The following CHRM3 variants were observed in gnomAD, a reference collection of about 807,000 sequenced individuals.
CHRM3 encodes cholinergic receptor muscarinic 3.
A neutral mutation model predicts 41.8 loss-of-function variants in CHRM3; 11 were observed. The ratio of observed to expected loss-of-function variants is 0.26; its 90% CI spans 0.17 to 0.44. The LOEUF (loss-of-function observed/expected upper bound fraction) is 0.44, where lower values mean the gene tolerates loss of function less well. Among genes scored for constraint, CHRM3 ranks in the 20% least tolerant of loss-of-function variants. CHRM3 has a pLI of 1.00. For synonymous variants in CHRM3, 297 were observed against 301.4 expected (o/e 0.99, Z 0.15); for missense variants, 571 against 745.4 (o/e 0.77, Z 2.72).
intron 2 of CHRM3, among the ~76,000 whole-genome samples, chr1:239,505,799 T>C (rs1212180741): frequency 1.3e-5 from 2 of 152,216 alleles, no homozygotes; most frequent in Non-Finnish European, 2.9e-5. Flanking sequence ...TGGAACTTCC[T>C]AGAGACTTGT....
chr1:239,841,643 C>T (rs1033626668), intron 6 of CHRM3, among the ~76,000 whole-genome samples: 1 of 152,206 alleles, frequency 6.6e-6, no homozygotes, highest in Non-Finnish European at 1.5e-5. Flanking sequence ...CAAGATTTAG[C>T]TGGCCAAGGC....
At chr1:239,431,101 C>T (rs942460395) in intron 1 of CHRM3, among the ~76,000 whole-genome samples, 1 of 152,088 alleles carries the variant, frequency 6.6e-6, no homozygotes, top group Non-Finnish European at 1.5e-5. Flanking sequence ...CAAAATCCTT[C>T]ATATTGAGAA....
chr1:239,599,839 G>T (rs1161362948), intron 3 of CHRM3, among the ~76,000 whole-genome samples: 1 of 152,038 alleles, frequency 6.6e-6, no homozygotes, highest in Non-Finnish European at 1.5e-5. Flanking sequence ...AAACAGAATG[G>T]TTGTATGGGT....
chr1:239,547,311 T>C (rs533762446), intron 3 of CHRM3, among the ~76,000 whole-genome samples: 1 of 152,314 alleles, frequency 6.6e-6, no homozygotes, highest in Admixed American at 6.5e-5. Context: ...CTCTGTGCTT[T>C]AGTTTGCACA....
intron 5 of CHRM3, among the ~76,000 whole-genome samples, chr1:239,804,985 GTTC>G (rs773643468): frequency 6.6e-5 from 10 of 152,062 alleles, no homozygotes; most frequent in Admixed American, 2.0e-4. Flanking sequence ...TCCATCTCCT[GTTC>G]TTCCACATTC....
chr1:239,595,296 G>A (rs546993021), intron 3 of CHRM3, among the ~76,000 whole-genome samples: 4 of 152,124 alleles, frequency 2.6e-5, no homozygotes, highest in Admixed American at 2.6e-4. Context: ...TTATATCACG[G>A]ACTTGAGCAT....
chr1:239,502,458 A>G (rs1435753092), intron 2 of CHRM3, among the ~76,000 whole-genome samples: 3 of 152,178 alleles, frequency 2.0e-5, no homozygotes, highest in Non-Finnish European at 4.4e-5. Flanking sequence ...AGCAACAAAA[A>G]AAAAGTCCAG....
intron 2 of CHRM3, among the ~76,000 whole-genome samples, chr1:239,507,595 GA>G (rs1364114435): frequency 1.3e-5 from 2 of 152,188 alleles, no homozygotes; most frequent in Non-Finnish European, 2.9e-5. Flanking sequence ...TAACAGTGAA[GA>G]TGATGAAAAC....
intron 5 of CHRM3, among the ~76,000 whole-genome samples, chr1:239,684,750 GAAA>G (rs1204984089): frequency 3.3e-4 from 37 of 111,370 alleles, no homozygotes; most frequent in Admixed American, 6.6e-4. Flanking sequence ...GAAAGAAAGA[GAAA>G]GAAAGAAAGA....
chr1:239,796,354 GA>G (rs1669767139), intron 5 of CHRM3, among the ~76,000 whole-genome samples: 1 of 152,044 alleles, frequency 6.6e-6, no homozygotes, highest in South Asian at 2.1e-4. Flanking sequence ...AATGGGGACA[GA>G]AAAAAATCAC....
intron 2 of CHRM3, among the ~76,000 whole-genome samples, chr1:239,532,174 G>T (rs1378467751): frequency 6.8e-6 from 1 of 146,936 alleles, no homozygotes; most frequent in African/African-American, 2.5e-5. Flanking sequence ...ACCACGCCCG[G>T]CTAATTATTT....
At chr1:239,836,630 A>T (rs1327068109) in intron 6 of CHRM3, among the ~76,000 whole-genome samples, 5 of 152,118 alleles carry the variant, frequency 3.3e-5, no homozygotes, top group Admixed American at 6.6e-5. Flanking sequence ...CTCCTAGACC[A>T]CTATCAATGT....
At chr1:239,722,388 G>T (rs1432645715) in intron 5 of CHRM3, among the ~76,000 whole-genome samples, 2 of 151,838 alleles carry the variant, frequency 1.3e-5, no homozygotes, top group Non-Finnish European at 2.9e-5. Flanking sequence ...AGATATTATT[G>T]CTGTCTCCTC....
chr1:239,594,381 C>T (rs1418725659), intron 3 of CHRM3, among the ~76,000 whole-genome samples: 1 of 152,150 alleles, frequency 6.6e-6, no homozygotes. Flanking sequence ...ATTTTGCAAG[C>T]TGTTTGTGTT....
chr1:239,615,454 G>A (rs139101855), intron 3 of CHRM3, among the ~76,000 whole-genome samples: 82 of 152,226 alleles, frequency 5.4e-4, no homozygotes, highest in Non-Finnish European at 9.4e-4. Flanking sequence ...GGGGACTGGG[G>A]GATGGTAGGA....
At chr1:239,561,967 T>G (rs1160374482) in intron 3 of CHRM3, among the ~76,000 whole-genome samples, 1 of 152,156 alleles carries the variant, frequency 6.6e-6, no homozygotes, top group Non-Finnish European at 1.5e-5. Flanking sequence ...AGATACCAAT[T>G]TTCTTTCCCG....
At chr1:239,461,254 C>A (rs921435399) in intron 1 of CHRM3, among the ~76,000 whole-genome samples, 1 of 152,048 alleles carries the variant, frequency 6.6e-6, no homozygotes, top group Non-Finnish European at 1.5e-5. Context: ...AAATTAAATG[C>A]GCTTTTTCCC....
chr1:239,411,552 C>T (rs1346624277), intron 1 of CHRM3, among the ~76,000 whole-genome samples: 1 of 151,500 alleles, frequency 6.6e-6, no homozygotes, highest in Non-Finnish European at 1.5e-5. Context: ...TGGTGAAACC[C>T]CATCTTTACT....
At chr1:239,679,454 A>G (rs193118825) in intron 5 of CHRM3, among the ~76,000 whole-genome samples, 207 of 152,236 alleles carry the variant, frequency 1.4e-3, no homozygotes, top group South Asian at 3.7e-3. Flanking sequence ...GAAGTGCGTT[A>G]TTATTTAAAT....
Sources: allele counts gnomAD v4.1 joint callset (sites outside exome capture counted in the v4.1 genomes callset), GRCh38; gene constraint gnomAD v4.1.1; transcripts MANE v1.5; gene names NCBI Gene and HGNC (gene_info 2026-07-23, HGNC 2026-07-21).